The following GABRB1 variants were observed in gnomAD, a reference collection of about 807,000 sequenced individuals.
The protein encoded by GABRB1 is gamma-aminobutyric acid type A receptor subunit beta1.
Under a neutral mutation model 51.6 loss-of-function variants are expected in GABRB1, and 17 were observed. The observed-to-expected ratio is 0.33, with a 90% CI of 0.23 to 0.49. GABRB1 has a LOEUF of 0.49. GABRB1 is among the 20% of genes least tolerant of loss of function. GABRB1 has a pLI of 0.99. For missense variants in GABRB1, 410 were observed against 600.6 expected, an observed-to-expected ratio of 0.68 and a Z score of 3.32; for synonymous variants, 247 against 218.9, an observed-to-expected ratio of 1.13 and a Z score of -1.14.
At chr4:47,288,848 C>T (rs1723615811) in intron 4 of GABRB1, among the ~76,000 whole-genome samples, 1 of 152,188 alleles carries the variant, frequency 6.6e-6, no homozygotes, top group Non-Finnish European at 1.5e-5. Flanking sequence ...TGGAGCCTGG[C>T]TATGGAGACA....
At chr4:47,113,413 C>T (rs898946597) in intron 3 of GABRB1, among the ~76,000 whole-genome samples, 13 of 147,096 alleles carry the variant, frequency 8.8e-5, no homozygotes, top group Non-Finnish European at 1.5e-4. Flanking sequence ...AATCATTTAA[C>T]GTTGAGTACA....
intron 3 of GABRB1, chr4:47,032,952 A>G (rs892143090): frequency 1.7e-5 from 6 of 351,546 alleles, no homozygotes; most frequent in Admixed American, 3.8e-5. Flanking sequence ...CACCGAGAGC[A>G]CAGTCTGGGT....
intron 4 of GABRB1, among the ~76,000 whole-genome samples, chr4:47,262,579 C>A (rs1232515165): frequency 6.6e-6 from 1 of 152,138 alleles, no homozygotes; most frequent in African/African-American, 2.4e-5. Context: ...AATAGGAACA[C>A]TTTTACACTG....
intron 4 of GABRB1, among the ~76,000 whole-genome samples, chr4:47,203,661 C>G (rs555287918): frequency 5.9e-5 from 9 of 152,148 alleles, no homozygotes; most frequent in Admixed American, 1.3e-4. Context: ...GGTGGCAACC[C>G]TCATTTGTGA....
chr4:47,378,033 C>T (rs1160615981), intron 5 of GABRB1, among the ~76,000 whole-genome samples: 1 of 152,240 alleles, frequency 6.6e-6, no homozygotes, highest in Non-Finnish European at 1.5e-5. Context: ...AGTCCGGCAC[C>T]GTGCGCCCAC....
chr4:47,366,027 A>C (rs887634625), intron 5 of GABRB1, among the ~76,000 whole-genome samples: 2 of 152,136 alleles, frequency 1.3e-5, no homozygotes, highest in Non-Finnish European at 2.9e-5. Flanking sequence ...TGGGACCCTG[A>C]TTGACACAGT....
intron 4 of GABRB1, among the ~76,000 whole-genome samples, chr4:47,296,890 G>A (rs529070833): frequency 2.0e-5 from 3 of 152,012 alleles, no homozygotes; most frequent in African/African-American, 7.3e-5. Context: ...GTAAAAGAAC[G>A]GAAATTATAA....
At chr4:47,021,204 T>C (rs929494060) in intron 1 of GABRB1, among the ~76,000 whole-genome samples, 2 of 152,212 alleles carry the variant, frequency 1.3e-5, no homozygotes, top group Admixed American at 1.3e-4. Context: ...GCCTTTCTTA[T>C]GATCCATCCT....
chr4:47,135,428 GC>G (rs1716599280), intron 3 of GABRB1, among the ~76,000 whole-genome samples: 1 of 152,060 alleles, frequency 6.6e-6, no homozygotes, highest in African/African-American at 2.4e-5. Context: ...AGAAGGCACA[GC>G]ACCAGGGATT....
chr4:47,266,138 A>G (rs1461535336), intron 4 of GABRB1, among the ~76,000 whole-genome samples: 1 of 152,164 alleles, frequency 6.6e-6, no homozygotes, highest in African/African-American at 2.4e-5. Context: ...ATATGAGAGC[A>G]GTTTCATTTC....
intron 4 of GABRB1, among the ~76,000 whole-genome samples, chr4:47,295,300 A>G (rs1723927514): frequency 6.6e-6 from 1 of 152,220 alleles, no homozygotes; most frequent in Admixed American, 6.5e-5. Flanking sequence ...TCAGACGATC[A>G]AACTACTCCG....
intron 4 of GABRB1, among the ~76,000 whole-genome samples, chr4:47,276,849 C>T (rs1037426330): frequency 6.6e-6 from 1 of 152,070 alleles, no homozygotes; most frequent in African/African-American, 2.4e-5. Context: ...CCACCCTAGT[C>T]ATGACAATCA....
intron 3 of GABRB1, among the ~76,000 whole-genome samples, chr4:47,058,599 G>A (rs1464525867): frequency 6.6e-6 from 1 of 152,142 alleles, no homozygotes; most frequent in Non-Finnish European, 1.5e-5. Context: ...TTTAAACCGT[G>A]CCCCCTTGGA....
rs551122522 is a variant in GABRB1 at position 46,997,411 on chromosome 4, C to T, written c.-20+3485C>T. ...ATGTTGTACATTAGATCTTATTATA[C>T]ATAACATATTATTATATAATATATA... On this transcript the variant is annotated intron_variant, in intron 1 of 3. Coordinates refer to the GABRB1 transcript ENST00000513567. 4.7e-5 allele frequency among the ~76,000 whole-genome samples: 7 copies of T among 149,904 alleles called. No individual in the cohort carries two copies. In the South Asian group the frequency reaches 1.5e-3, roughly 31 times the overall value.
intron 8 of GABRB1, among the ~76,000 whole-genome samples, chr4:47,422,664 T>C (rs1431737570): frequency 6.6e-6 from 1 of 152,148 alleles, no homozygotes; most frequent in Non-Finnish European, 1.5e-5. Flanking sequence ...CATAGCTGCC[T>C]CCCACTCCTA....
chr4:47,234,199 G>T (rs1328057870), intron 4 of GABRB1, among the ~76,000 whole-genome samples: 3 of 152,038 alleles, frequency 2.0e-5, no homozygotes, highest in Admixed American at 6.6e-5. Context: ...ATCATTTAAA[G>T]ATTGCAGGCT....
At chr4:47,200,942 G>A (rs980430838) in intron 4 of GABRB1, among the ~76,000 whole-genome samples, 3 of 152,074 alleles carry the variant, frequency 2.0e-5, no homozygotes, top group African/African-American at 7.2e-5. Flanking sequence ...CCATTAGCCA[G>A]TCTTATGAGG....
At chr4:47,405,936 A>G (rs1728552230) in intron 7 of GABRB1, among the ~76,000 whole-genome samples, 1 of 152,190 alleles carries the variant, frequency 6.6e-6, no homozygotes, top group African/African-American at 2.4e-5. Context: ...GAGTTTACAG[A>G]CTTAAACTTC....
chr4:47,342,415 A>C (rs976624029), intron 5 of GABRB1, among the ~76,000 whole-genome samples: 3 of 152,162 alleles, frequency 2.0e-5, no homozygotes, highest in African/African-American at 7.2e-5. Context: ...CTTTCAATGC[A>C]AAAGGATTAA....
Sources: allele counts gnomAD v4.1 joint callset (sites outside exome capture counted in the v4.1 genomes callset), GRCh38; gene constraint gnomAD v4.1.1; transcripts MANE v1.5; gene names NCBI Gene and HGNC (gene_info 2026-07-23, HGNC 2026-07-21).